KIF16B: variants seen among roughly 807,000 people sequenced by gnomAD.
The protein encoded by KIF16B is kinesin family member 16B, also known as kinesin-like protein KIF16B.
KIF16B carries 98 observed loss-of-function variants against 156.3 expected under a neutral mutation model. The observed-to-expected ratio is 0.63, with a 90% CI of 0.53 to 0.74. KIF16B has a LOEUF of 0.74. Among genes scored for constraint, KIF16B ranks in the 30% least tolerant of loss-of-function variants. KIF16B has a pLI of 0.00. For missense variants in KIF16B, 1,421 were observed against 1,606.5 expected (o/e 0.88, Z 1.97); for synonymous variants, 564 against 583.7 (o/e 0.97, Z 0.49).
At chr20:16,360,341 G>A (rs556363613) in intron 22 of KIF16B, among the ~76,000 whole-genome samples, 1 of 152,086 alleles carries the variant, frequency 6.6e-6, no homozygotes, top group Non-Finnish European at 1.5e-5. Context: ...ACATGCAAAT[G>A]TTTGCTGTAT....
At chr20:16,522,292 C>T (rs898539589) in intron 3 of KIF16B, among the ~76,000 whole-genome samples, 1 of 152,084 alleles carries the variant, frequency 6.6e-6, no homozygotes, top group South Asian at 2.1e-4. Flanking sequence ...CATGCAAAGA[C>T]AACAAAGGCT....
chr20:16,527,112 C>T (rs1432328424), intron 2 of KIF16B, among the ~76,000 whole-genome samples: 2 of 152,090 alleles, frequency 1.3e-5, no homozygotes, highest in African/African-American at 4.8e-5. Flanking sequence ...AGGTAATTAC[C>T]AGCAGGGAAT....
intron 17 of KIF16B, among the ~76,000 whole-genome samples, chr20:16,387,389 A>G (rs1009950108): frequency 3.9e-5 from 6 of 152,268 alleles, no homozygotes; most frequent in African/African-American, 1.4e-4. Context: ...TGGTTCTAGA[A>G]TCAATGAGAC....
At chr20:16,557,462 G>A (rs2070893113) in intron 1 of KIF16B, among the ~76,000 whole-genome samples, 1 of 152,162 alleles carries the variant, frequency 6.6e-6, no homozygotes, top group Admixed American at 6.5e-5. Context: ...TTACAGGCAT[G>A]AGTCACTGCA....
chr20:16,535,417 A>C (rs1422808739), intron 1 of KIF16B, among the ~76,000 whole-genome samples: 1 of 152,162 alleles, frequency 6.6e-6, no homozygotes. Flanking sequence ...TCTAAATATA[A>C]GATCATGTCA....
At chr20:16,319,067 A>G (rs1346760494) in intron 24 of KIF16B, among the ~76,000 whole-genome samples, 1 of 152,194 alleles carries the variant, frequency 6.6e-6, no homozygotes, top group Non-Finnish European at 1.5e-5. Flanking sequence ...GTCTTCCTCA[A>G]GAGTGTCAAG....
intron 12 of KIF16B, among the ~76,000 whole-genome samples, chr20:16,448,270 C>T (rs771322122): frequency 5.9e-5 from 9 of 152,276 alleles, no homozygotes; most frequent in Non-Finnish European, 1.2e-4. Flanking sequence ...CAGTGTCCTA[C>T]AAAGAAGAGA....
At chr20:16,388,130 C>A (rs1441671132) in intron 17 of KIF16B, among the ~76,000 whole-genome samples, 1 of 152,052 alleles carries the variant, frequency 6.6e-6, no homozygotes, top group African/African-American at 2.4e-5. Flanking sequence ...ATAAGAGTAA[C>A]ATTTAAAAGA....
chr20:16,434,906 G>GGGCTGGT (rs1472439204), intron 12 of KIF16B, among the ~76,000 whole-genome samples: 2 of 152,226 alleles, frequency 1.3e-5, no homozygotes, highest in East Asian at 3.9e-4. Flanking sequence ...TGGGGGCTGG[G>GGGCTGGT]GGTTGGGGAC....
At chr20:16,372,659 T>C (rs2064850282) in intron 20 of KIF16B, among the ~76,000 whole-genome samples, 1 of 152,236 alleles carries the variant, frequency 6.6e-6, no homozygotes, top group Non-Finnish European at 1.5e-5. Context: ...CATTCTGTTC[T>C]AGACTCCCCT....
chr20:16,551,164 T>A (rs1457585084), intron 1 of KIF16B, among the ~76,000 whole-genome samples: 2 of 147,816 alleles, frequency 1.4e-5, no homozygotes, highest in African/African-American at 5.0e-5. Context: ...GCAGTTTTGC[T>A]CTTGTTGCCT....
chr20:16,505,646 A>T, intron 9 of KIF16B, 76 bp downstream of exon 9: 7 of 1,341,616 alleles, frequency 5.2e-6, no homozygotes, highest in Non-Finnish European at 7.3e-6. Context: ...TCCTAATAAG[A>T]CACTTTAAAC....
At chr20:16,361,921 C>T (rs1174117525) in intron 22 of KIF16B, among the ~76,000 whole-genome samples, 1 of 152,182 alleles carries the variant, frequency 6.6e-6, no homozygotes, top group African/African-American at 2.4e-5. Context: ...AAAAGTGTCA[C>T]TATTTTTCTC....
At chr20:16,497,955 A>G (rs2068500616) in intron 10 of KIF16B, among the ~76,000 whole-genome samples, 1 of 152,040 alleles carries the variant, frequency 6.6e-6, no homozygotes, top group Non-Finnish European at 1.5e-5. Context: ...ACCAAAATCA[A>G]ACACAGTCTA....
At chr20:16,507,875 A>G in intron 7 of KIF16B, 83 bp downstream of exon 7, 3 of 1,444,982 alleles carry the variant, frequency 2.1e-6, no homozygotes, top group Non-Finnish European at 2.9e-6. Flanking sequence ...CTCCTGGTTC[A>G]ACAATGATCA....
intron 3 of KIF16B, among the ~76,000 whole-genome samples, chr20:16,521,112 C>T (rs952484034): frequency 2.0e-5 from 3 of 152,052 alleles, no homozygotes; most frequent in African/African-American, 7.2e-5. Context: ...GACTCCTCTC[C>T]TCCAAAGAAT....
chr20:16,346,376 C>T (rs935830596), intron 23 of KIF16B, among the ~76,000 whole-genome samples: 1 of 152,282 alleles, frequency 6.6e-6, no homozygotes, highest in East Asian at 1.9e-4. Flanking sequence ...TACAGCCATT[C>T]GATTCAGGAA....
At chr20:16,405,432 A>G (rs1226944662) in intron 16 of KIF16B, among the ~76,000 whole-genome samples, 1 of 152,146 alleles carries the variant, frequency 6.6e-6, no homozygotes. Flanking sequence ...CCTGGGCTAG[A>G]GCAGATAAGA....
chr20:16,565,884 C>A (rs1333594784), intron 1 of KIF16B, among the ~76,000 whole-genome samples: 1 of 152,236 alleles, frequency 6.6e-6, no homozygotes, highest in Non-Finnish European at 1.5e-5. Flanking sequence ...TTTGACTCCC[C>A]ACTTCTCTAT....
Sources: allele counts gnomAD v4.1 joint callset (sites outside exome capture counted in the v4.1 genomes callset), GRCh38; gene constraint gnomAD v4.1.1; transcripts MANE v1.5; gene names NCBI Gene and HGNC (gene_info 2026-07-23, HGNC 2026-07-21).